The following DMD variants were observed in gnomAD, a reference collection of about 807,000 sequenced individuals.
The protein encoded by DMD is mutant dystrophin.
In DMD, 63 loss-of-function variants were observed where a neutral mutation model predicts 330.1. That is an observed-to-expected ratio of 0.19 (90% CI 0.16 to 0.24). The LOEUF (loss-of-function observed/expected upper bound fraction) is 0.24, where lower values mean the gene tolerates loss of function less well. Ranked by LOEUF, DMD falls within the 10% of genes least tolerant of loss-of-function variation. DMD has a pLI of 1.00. For missense variants in DMD, 3,344 were observed against 2,684.1 expected, an observed-to-expected ratio of 1.25 and a Z score of -5.43; for synonymous variants, 1,223 against 959.8, an observed-to-expected ratio of 1.27 and a Z score of -5.07.
chrX:32,871,493 G>C (rs1462741220), intron 2 of DMD, among the ~76,000 whole-genome samples: 2 of 111,079 alleles, frequency 1.8e-5, no homozygotes, highest in African/African-American at 3.3e-5. Context: ...TACAAGGAAA[G>C]AGACATCAAG....
At chrX:31,560,520 G>A (rs1018243642) in intron 55 of DMD, among the ~76,000 whole-genome samples, 5 of 111,454 alleles carry the variant, frequency 4.5e-5, no homozygotes, top group Non-Finnish European at 9.4e-5. Context: ...AATTCAGTGG[G>A]CCCACAAACT....
chrX:32,538,337 C>A (rs2048184854), intron 17 of DMD, among the ~76,000 whole-genome samples: 1 of 111,558 alleles, frequency 9.0e-6, no homozygotes, highest in Non-Finnish European at 1.9e-5. Flanking sequence ...AGCGATTAAC[C>A]TTGTGAAATT....
intron 1 of DMD, among the ~76,000 whole-genome samples, chrX:33,309,178 C>T (rs2053810335): frequency 9.0e-6 from 1 of 111,523 alleles, no homozygotes; most frequent in Admixed American, 9.6e-5. Flanking sequence ...ATAATACCTG[C>T]TGCATTTGCA....
intron 45 of DMD, among the ~76,000 whole-genome samples, chrX:31,945,145 T>C (rs2095069419): frequency 8.9e-6 from 1 of 111,739 alleles, no homozygotes; most frequent in African/African-American, 3.3e-5. Flanking sequence ...CTTCAAATGA[T>C]ATACACACTG....
At chrX:32,909,870 T>C (rs756795240) in intron 2 of DMD, among the ~76,000 whole-genome samples, 1 of 112,109 alleles carries the variant, frequency 8.9e-6, no homozygotes, top group East Asian at 2.8e-4. Context: ...CTGCAAGCCT[T>C]TTGTTCTTCA....
chrX:32,389,413 G>A (rs760797304), intron 32 of DMD, 88 bp downstream of exon 32: 1 of 1,006,666 alleles, frequency 9.9e-7, no homozygotes, highest in Non-Finnish European at 1.4e-6. Context: ...ATGGTTATCT[G>A]AAAACAATTC....
At position 31,918,393 on chromosome X, in the gene DMD, C is replaced by G. The variant is rs185626446; in HGVS notation, c.6912+11203G>C. The stretch of plus-strand genomic sequence containing the variant: ...AGTTATGAACTGCAAGTTTAGTGAT[C>G]TTTCCAGGACTGAGATGAGGCATGG... On this transcript the variant is annotated intron_variant, in intron 47 of 78. Transcript: ENST00000357033. Among the ~76,000 whole-genome samples the G allele has an allele frequency of 3.6e-5, 4 of 110,932 alleles. No homozygotes were observed. In the Admixed American group the frequency reaches 3.9e-4, roughly 11 times the overall value.
intron 55 of DMD, among the ~76,000 whole-genome samples, chrX:31,625,144 T>A (rs1446408030): frequency 8.9e-6 from 1 of 112,348 alleles, no homozygotes; most frequent in African/African-American, 3.2e-5. Context: ...TTTCAATCCA[T>A]AAAATGTAGT....
chrX:32,680,122 C>T (rs1181353891), intron 9 of DMD, among the ~76,000 whole-genome samples: 3 of 107,703 alleles, frequency 2.8e-5, no homozygotes, highest in Non-Finnish European at 5.7e-5. Context: ...CCATGTTGGT[C>T]AGGCTGGTCT....
intron 2 of DMD, among the ~76,000 whole-genome samples, chrX:32,932,739 G>C (rs1409140681): frequency 8.9e-6 from 1 of 111,761 alleles, no homozygotes; most frequent in Non-Finnish European, 1.9e-5. Flanking sequence ...GAGAATATCA[G>C]ATCTGCTGGT....
At chrX:32,094,271 G>C (rs978033280) in intron 44 of DMD, among the ~76,000 whole-genome samples, 10 of 111,940 alleles carry the variant, frequency 8.9e-5, no homozygotes, top group Non-Finnish European at 1.9e-4. Flanking sequence ...CATAGTTCTT[G>C]AAATGGCAAT....
chrX:32,663,346 A>G (rs1007034528), intron 9 of DMD, among the ~76,000 whole-genome samples: 4 of 111,923 alleles, frequency 3.6e-5, no homozygotes, highest in African/African-American at 1.3e-4. Flanking sequence ...AGATATCCAT[A>G]ATCAATTGGT....
intron 70 of DMD, chrX:31,178,401 G>C (rs905167292): frequency 2.1e-6 from 2 of 945,362 alleles, no homozygotes; most frequent in Admixed American, 1.0e-4. Context: ...TATAAGGCTT[G>C]TAAGGCAATT....
At chrX:32,358,794 A>G (rs2097818435) in intron 37 of DMD, among the ~76,000 whole-genome samples, 1 of 110,562 alleles carries the variant, frequency 9.0e-6, no homozygotes, top group Admixed American at 9.7e-5. Context: ...TTTTGTCTCA[A>G]CCCCCCAGAT....
Position 32,099,961 on chromosome X carries a change from C to G in DMD, c.6438+116955G>C, listed in dbSNP as rs144543441. On this transcript the variant is annotated intron_variant, in intron 44 of 78. Transcript: ENST00000357033. ...TAGGACTGGCATAAAATAAACTAAT[C>G]TGGCTCACAGACAATTTCAGTTTAT... Among the ~76,000 whole-genome samples the G allele has an allele frequency of 4.6e-3, 510 of 110,017 alleles. 2 individuals carry two copies. The highest frequency in any genetic ancestry group is 0.018 in the Middle Eastern group (4 of 217).
intron 1 of DMD, among the ~76,000 whole-genome samples, chrX:33,326,877 G>A (rs1012286819): frequency 9.1e-6 from 1 of 110,427 alleles, no homozygotes; most frequent in African/African-American, 3.3e-5. Context: ...GAGGGGGGAT[G>A]GCAGAGCTAA....
At chrX:32,744,159 C>A (rs1422341363) in intron 7 of DMD, among the ~76,000 whole-genome samples, 1 of 110,400 alleles carries the variant, frequency 9.1e-6, no homozygotes, top group East Asian at 2.9e-4. Context: ...ATCATTTCTG[C>A]AACCATCTTC....
chrX:31,961,448 G>T (rs1295801290), intron 45 of DMD, among the ~76,000 whole-genome samples: 1 of 111,964 alleles, frequency 8.9e-6, no homozygotes, highest in East Asian at 2.8e-4. Context: ...AGGCTTTCTG[G>T]TAAGTACTGT....
At chrX:32,512,950 G>T (rs1273120345) in intron 18 of DMD, among the ~76,000 whole-genome samples, 1 of 111,821 alleles carries the variant, frequency 8.9e-6, no homozygotes, top group African/African-American at 3.3e-5. Flanking sequence ...TTATCTAGAT[G>T]GCAGGAGGAA....
Sources: allele counts gnomAD v4.1 joint callset (sites outside exome capture counted in the v4.1 genomes callset), GRCh38; gene constraint gnomAD v4.1.1; transcripts MANE v1.5; gene names NCBI Gene and HGNC (gene_info 2026-07-23, HGNC 2026-07-21).